Variants in TCF20 observed in about 807,000 individuals in gnomAD.
TCF20 encodes the protein transcription factor 20.
A neutral mutation model predicts 148.6 loss-of-function variants in TCF20; 3 were observed. That is an observed-to-expected ratio of 0.02 (90% CI 0.01 to 0.05). TCF20 has a LOEUF of 0.05. TCF20 is among the 10% of genes least tolerant of loss of function. TCF20 has a pLI of 1.00. For synonymous variants in TCF20, 1,049 were observed against 909.5 expected (o/e 1.15, Z -2.76); for missense variants, 2,350 against 2,429.3 (o/e 0.97, Z 0.69).
rs918881909 is a variant in TCF20, at chr22:42,279,333, T to C, written c.-37+4494A>G. Among the ~76,000 whole-genome samples, 7 of 152,230 alleles carry C rather than the reference T, an allele frequency of 4.6e-5. No homozygotes were observed. Among genetic ancestry groups the C allele is most frequent in the Admixed American group, 3.9e-4 (6 of 15,298 alleles). On this transcript the variant is annotated intron_variant, in intron 1 of 5. Coordinates refer to the TCF20 transcript ENST00000359486. This position sits in a 1 kb window ranked among gnomAD's most constrained non-coding sequence, Gnocchi z 4.3. ...CAGCCTGGCCAACATGGTGAAACCC[T>C]ATCTCTGGTGGCAGGTGCCTGTAAT...
At position 42,210,653 on chromosome 22, in the gene TCF20, C is replaced by A. The variant is rs1317606930; in HGVS notation, c.4653G>T (p.Lys1551Asn). The A allele has an allele frequency of 6.2e-7, 1 of 1,614,010 alleles. No individual in the cohort carries two copies. ...GTGGAGGCGGTGGCTGCTGCTGTTT[C>A]TTTTGCTTATTCACACTACCAATGG... ...GRPIGSVNKQ[K>N]KQQQPPPPPP... is the part of the protein sequence containing the mutation. Residue 1551 changes from lysine (K) to asparagine (N), a missense_variant, in exon 2 of 6, where the codon AAG (lysine) becomes AAT (asparagine). Lys to Asn is a moderately conservative substitution (Grantham distance 94). Around this residue, in one of 7 missense-constraint regions of TCF20, gnomAD observed 374 missense variants for 398.3 expected, o/e 0.94. Transcript: ENST00000677622. This position sits in a 1 kb window ranked among gnomAD's most constrained non-coding sequence, Gnocchi z 4.7.
At chr22:42,313,920 G>A (rs1399016662) in intron 1 of TCF20, among the ~76,000 whole-genome samples, 2 of 152,194 alleles carry the variant, frequency 1.3e-5, no homozygotes, top group Admixed American at 6.5e-5. Context: ...CCCGCCTCAG[G>A]GAACACCTTT....
intron 1 of TCF20, among the ~76,000 whole-genome samples, chr22:42,216,202 G>A (rs140007462): frequency 2.5e-4 from 35 of 141,144 alleles, no homozygotes; most frequent in Non-Finnish European, 3.9e-4. Context: ...TGATCCTCCT[G>A]CCTCGGCCTC....
intron 1 of TCF20, among the ~76,000 whole-genome samples, chr22:42,261,160 A>C (rs1044299637): frequency 7.2e-5 from 11 of 152,200 alleles, no homozygotes; most frequent in Non-Finnish European, 1.6e-4. Context: ...ATTAATCCTT[A>C]TTACACGTAT....
chr22:42,218,174 G>A (rs1312327589), intron 1 of TCF20, among the ~76,000 whole-genome samples: 5 of 152,188 alleles, frequency 3.3e-5, no homozygotes, highest in Non-Finnish European at 5.9e-5. Context: ...TACAGATGAG[G>A]AAACAGAAGC....
At chr22:42,276,008 C>T (rs907987280) in intron 1 of TCF20, among the ~76,000 whole-genome samples, 12 of 152,184 alleles carry the variant, frequency 7.9e-5, no homozygotes, top group Admixed American at 7.2e-4. Flanking sequence ...AGGGCCCCTG[C>T]GTTGCTTTGT....
At chr22:42,313,946 G>A (rs1027662506) in intron 1 of TCF20, among the ~76,000 whole-genome samples, 7 of 152,186 alleles carry the variant, frequency 4.6e-5, no homozygotes, top group South Asian at 2.1e-4. Flanking sequence ...GGCTGTTCCC[G>A]CTGCCTGGAA....
chr22:42,288,308 C>T (rs1190323495), upstream of TCF20, among the ~76,000 whole-genome samples: 1 of 152,042 alleles, frequency 6.6e-6, no homozygotes, highest in Non-Finnish European at 1.5e-5. Context: ...GAGGCCGAGG[C>T]AGGCAGATCA....
intron 2 of TCF20, among the ~76,000 whole-genome samples, chr22:42,183,773 GTTCT>G (rs1936900221): frequency 2.0e-5 from 3 of 147,996 alleles, no homozygotes; most frequent in Admixed American, 6.7e-5. Flanking sequence ...TTCCTTTTAG[GTTCT>G]TTTTTTTTTT....
At chr22:42,216,130 C>A (rs1235148375) in intron 1 of TCF20, among the ~76,000 whole-genome samples, 4 of 120,014 alleles carry the variant, frequency 3.3e-5, no homozygotes, top group Non-Finnish European at 6.6e-5. Flanking sequence ...CACTCTTGCC[C>A]AGGCTGGAGT....
At chr22:42,243,292 C>CA (rs3045578) in intron 1 of TCF20, among the ~76,000 whole-genome samples, 784 of 39,454 alleles carry the variant, frequency 0.02, 156 homozygotes, top group East Asian at 0.042. Flanking sequence ...GACACTGTCT[C>CA]AAAAAAAAAA....
chr22:42,185,759 T>C (rs781232067), intron 2 of TCF20, among the ~76,000 whole-genome samples: 39 of 152,224 alleles, frequency 2.6e-4, no homozygotes, highest in South Asian at 4.1e-4. Flanking sequence ...TGGTCCTTAC[T>C]TCCTTAGAGC....
At chr22:42,337,315 T>C (rs1928084310) in intron 1 of TCF20, among the ~76,000 whole-genome samples, 4 of 151,766 alleles carry the variant, frequency 2.6e-5, no homozygotes, top group Admixed American at 2.0e-4. Flanking sequence ...CTCCCCCTCC[T>C]GCCTGTCCCT....
intron 3 of TCF20, among the ~76,000 whole-genome samples, chr22:42,172,299 G>A (rs773993802): frequency 6.6e-6 from 1 of 152,230 alleles, no homozygotes; most frequent in Admixed American, 6.5e-5. Context: ...AGTCCCTGCT[G>A]GGAGGGAAGA....
intron 1 of TCF20, among the ~76,000 whole-genome samples, chr22:42,256,046 C>A (rs1208115381): frequency 7.9e-5 from 12 of 152,138 alleles, no homozygotes; most frequent in African/African-American, 2.4e-5. Context: ...TTTCTCCACT[C>A]TTCCACTTGT....
chr22:42,237,982 T>C (rs1924031436), intron 1 of TCF20, among the ~76,000 whole-genome samples: 1 of 152,196 alleles, frequency 6.6e-6, no homozygotes, highest in Admixed American at 6.5e-5. Context: ...AGCACTGGCA[T>C]CAACCTAAAT....
At chr22:42,169,974 G>C in intron 3 of TCF20, 78 bp from the exon 4 acceptor site, 1 of 1,466,434 alleles carries the variant, frequency 6.8e-7, no homozygotes, top group Non-Finnish European at 9.5e-7. Context: ...GGGATTGACA[G>C]GGTCAGACAT....
At chr22:42,230,161 A>G (rs1001213206) in intron 1 of TCF20, among the ~76,000 whole-genome samples, 1 of 152,204 alleles carries the variant, frequency 6.6e-6, no homozygotes, top group Non-Finnish European at 1.5e-5. Context: ...AACACCTTAA[A>G]GTTGAAGCAA....
At chr22:42,312,704 C>A (rs1330854749) in intron 1 of TCF20, among the ~76,000 whole-genome samples, 1 of 152,170 alleles carries the variant, frequency 6.6e-6, no homozygotes, top group Non-Finnish European at 1.5e-5. Context: ...ACCCCCCATC[C>A]CTGCTGAGCC....
Sources: gnomAD v4.1 joint callset for allele counts (sites outside exome capture counted in the v4.1 genomes callset) on GRCh38, gnomAD v4.1.1 for gene constraint, gnomAD v4.1.1 regional missense constraint, Gnocchi (gnomAD v3.1) non-coding constraint, MANE v1.5 for transcripts, NCBI Gene and HGNC (gene_info 2026-07-23, HGNC 2026-07-21) for gene names.